Variants in SESTD1 observed in about 807,000 individuals in gnomAD.
The protein encoded by SESTD1 is SEC14 and spectrin domain containing 1.
In SESTD1, 43 loss-of-function variants were observed where a neutral mutation model predicts 101.7. That is an observed-to-expected ratio of 0.42 (90% CI 0.33 to 0.55). SESTD1 has a LOEUF of 0.55. SESTD1 is among the 20% of genes least tolerant of loss of function. SESTD1 has a pLI of 0.07. For missense variants in SESTD1, 647 were observed against 815.1 expected, an observed-to-expected ratio of 0.79 and a Z score of 2.51; for synonymous variants, 283 against 286.8, an observed-to-expected ratio of 0.99 and a Z score of 0.13.
chr2:179,256,675 G>A (rs1244755288), intron 1 of SESTD1, among the ~76,000 whole-genome samples: 5 of 152,056 alleles, frequency 3.3e-5, no homozygotes, highest in African/African-American at 1.2e-4. Flanking sequence ...AGCCGGGCAT[G>A]GTGGCAGGAG....
intron 1 of SESTD1, among the ~76,000 whole-genome samples, chr2:179,197,784 T>A (rs1415862901): frequency 6.6e-6 from 1 of 152,090 alleles, no homozygotes; most frequent in Non-Finnish European, 1.5e-5. Context: ...CCACCAGGCC[T>A]GCCCTAGAAG....
intron 1 of SESTD1, among the ~76,000 whole-genome samples, chr2:179,216,659 G>A (rs2046725377): frequency 7.4e-6 from 1 of 134,718 alleles, no homozygotes; most frequent in South Asian, 2.8e-4. Context: ...ACCAAAAAAG[G>A]AGTCCACATT....
At chr2:179,182,812 C>T (rs1401604576) in intron 3 of SESTD1, among the ~76,000 whole-genome samples, 1 of 152,060 alleles carries the variant, frequency 6.6e-6, no homozygotes, top group African/African-American at 2.4e-5. Flanking sequence ...CCTAAAGTTA[C>T]ATGATATAGA....
intron 5 of SESTD1, among the ~76,000 whole-genome samples, chr2:179,163,582 A>G (rs549532230): frequency 2.1e-5 from 3 of 143,246 alleles, no homozygotes; most frequent in African/African-American, 8.4e-5. Flanking sequence ...TAAAAGAAGG[A>G]AAAAAAAAAG....
At chr2:179,129,451 A>C (rs2044958738) in intron 10 of SESTD1, among the ~76,000 whole-genome samples, 2 of 152,204 alleles carry the variant, frequency 1.3e-5, no homozygotes, top group African/African-American at 4.8e-5. Context: ...CTAGAACTAC[A>C]GGTTGGCAGA....
chr2:179,248,084 G>A (rs936292892), intron 1 of SESTD1, among the ~76,000 whole-genome samples: 3 of 151,578 alleles, frequency 2.0e-5, no homozygotes, highest in Non-Finnish European at 2.9e-5. Flanking sequence ...AAACAGAGAC[G>A]ACACAGATTA....
intron 1 of SESTD1, among the ~76,000 whole-genome samples, chr2:179,244,027 A>T (rs1269554474): frequency 6.6e-6 from 1 of 151,474 alleles, no homozygotes; most frequent in African/African-American, 2.4e-5. Flanking sequence ...GGGAGGCTCC[A>T]GCAGGAGCCT....
At chr2:179,257,872 G>A (rs556398749) in intron 1 of SESTD1, among the ~76,000 whole-genome samples, 7 of 152,230 alleles carry the variant, frequency 4.6e-5, no homozygotes, top group Admixed American at 2.0e-4. Context: ...CAGTAATTTC[G>A]TATAGCAAAA....
At chr2:179,144,316 A>G (rs1394860377) in intron 8 of SESTD1, among the ~76,000 whole-genome samples, 1 of 152,116 alleles carries the variant, frequency 6.6e-6, no homozygotes, top group Non-Finnish European at 1.5e-5. Flanking sequence ...AGGTGACAGT[A>G]TAATAAATGA....
chr2:179,176,412 TA>T (rs2046013273), intron 4 of SESTD1, 35 bp downstream of exon 4: 1 of 1,516,928 alleles, frequency 6.6e-7, no homozygotes, highest in Non-Finnish European at 9.1e-7. Context: ...TGCTGTAAAA[TA>T]AAAACCATTT....
intron 1 of SESTD1, among the ~76,000 whole-genome samples, chr2:179,228,104 G>C (rs149576065): frequency 3.8e-4 from 58 of 152,096 alleles, no homozygotes; most frequent in African/African-American, 1.1e-3. Flanking sequence ...ATCAATCACT[G>C]AGACAATAAT....
chr2:179,136,763 T>C (rs897873688), intron 9 of SESTD1, among the ~76,000 whole-genome samples: 5 of 152,140 alleles, frequency 3.3e-5, no homozygotes, highest in Non-Finnish European at 7.4e-5. Flanking sequence ...TTAATATAAA[T>C]CGTGATAGCT....
intron 1 of SESTD1, among the ~76,000 whole-genome samples, chr2:179,242,835 A>G (rs1009338820): frequency 1.9e-4 from 29 of 152,234 alleles, no homozygotes; most frequent in African/African-American, 6.5e-4. Flanking sequence ...TAAGACCTAA[A>G]AGCATAGAAA....
intron 1 of SESTD1, among the ~76,000 whole-genome samples, chr2:179,196,305 TAC>T (rs1195872106): frequency 6.6e-6 from 1 of 152,188 alleles, no homozygotes; most frequent in Non-Finnish European, 1.5e-5. Context: ...CGGAGGGTCC[TAC>T]ACCCACGGAG....
intron 1 of SESTD1, among the ~76,000 whole-genome samples, chr2:179,222,553 AG>A (rs1202342436): frequency 6.6e-6 from 1 of 152,156 alleles, no homozygotes; most frequent in Non-Finnish European, 1.5e-5. Context: ...GAAAAATAAC[AG>A]TCCCAGCCTT....
At chr2:179,206,989 G>A (rs760771379) in intron 1 of SESTD1, among the ~76,000 whole-genome samples, 3 of 133,156 alleles carry the variant, frequency 2.3e-5, no homozygotes, top group African/African-American at 9.0e-5. Flanking sequence ...AATCACCCTG[G>A]AACATAACTC....
chr2:179,151,217 A>G, intron 6 of SESTD1, 61 bp downstream of exon 6: 1 of 1,154,556 alleles, frequency 8.7e-7, no homozygotes, highest in Non-Finnish European at 1.2e-6. Context: ...AAAATGATAA[A>G]GTTATCAAAA....
At chr2:179,230,121 T>TTTTTTTC (rs2046963869) in intron 1 of SESTD1, among the ~76,000 whole-genome samples, 1 of 37,436 alleles carries the variant, frequency 2.7e-5, no homozygotes, top group Non-Finnish European at 4.4e-5. Flanking sequence ...CTCTTTTTTT[T>TTTTTTTC]TTTTTTTTTT....
At chr2:179,160,142 C>CCACT (rs879289026) in intron 5 of SESTD1, among the ~76,000 whole-genome samples, 18 of 152,224 alleles carry the variant, frequency 1.2e-4, no homozygotes, top group Non-Finnish European at 1.2e-4. Flanking sequence ...CAGGCATGAG[C>CCACT]CACTGTGCCC....
Sources: allele counts gnomAD v4.1 joint callset (sites outside exome capture counted in the v4.1 genomes callset), GRCh38; gene constraint gnomAD v4.1.1; transcripts MANE v1.5; gene names NCBI Gene and HGNC (gene_info 2026-07-23, HGNC 2026-07-21).